Variants in SEC22C observed in about 807,000 individuals in gnomAD.
The protein encoded by SEC22C is vesicle-trafficking protein SEC22c.
A neutral mutation model predicts 34.7 loss-of-function variants in SEC22C; 29 were observed. The ratio of observed to expected loss-of-function variants is 0.84; its 90% CI spans 0.62 to 1.14. SEC22C has a LOEUF of 1.14. SEC22C is among the 50% of genes most tolerant of loss of function. SEC22C has a pLI of 0.00. For missense variants in SEC22C, 337 were observed against 369.0 expected, an observed-to-expected ratio of 0.91 and a Z score of 0.71; for synonymous variants, 117 against 132.8, an observed-to-expected ratio of 0.88 and a Z score of 0.82.
intron 5 of SEC22C, among the ~76,000 whole-genome samples, chr3:42,556,462 G>A (rs1039196309): frequency 1.3e-5 from 2 of 152,214 alleles, no homozygotes; most frequent in Non-Finnish European, 2.9e-5. Context: ...ATCTGGCTAA[G>A]AGCAATCATA....
In SEC22C at chr3:42,568,985, G is replaced by C. The variant is rs758721803; in HGVS notation, c.62C>G (p.Ser21Cys). Residue 21 changes from serine (S) to cysteine (C), a missense_variant, in exon 2 of 7, where the codon TCT becomes TGT. Ser to Cys is a moderately radical substitution (Grantham distance 112). Coordinates refer to ENST00000264454, the MANE Select transcript of SEC22C (RefSeq NM_032970.4). ...RVRDGLPLSA[S>C]TDFYHTQDFL... is the part of the protein sequence containing the mutation. ...ATCTTGGGTGTGGTAAAAATCAGTA[G>C]AGGCTGAGAGGGGCAGTCCATCCCT... 3.1e-6 allele frequency: 5 copies of C among 1,613,998 alleles called. No individual in the cohort carries two copies. Among genetic ancestry groups the C allele is most frequent in the Non-Finnish European group, 4.2e-6 (5 of 1,180,044 alleles).
intron 1 of SEC22C, among the ~76,000 whole-genome samples, chr3:42,597,661 C>T (rs1262379675): frequency 6.6e-6 from 1 of 151,914 alleles, no homozygotes; most frequent in Non-Finnish European, 1.5e-5. Context: ...CCCAGGACAA[C>T]TTTGGGTGCA....
chr3:42,557,732 G>C, intron 4 of SEC22C, 36 bp from the exon 5 acceptor site: 1 of 1,077,456 alleles, frequency 9.3e-7, no homozygotes, highest in Non-Finnish European at 1.4e-6. Context: ...TCTAGTGTAA[G>C]TAATTTCTAC....
At chr3:42,597,050 A>T (rs996692692) in intron 1 of SEC22C, among the ~76,000 whole-genome samples, 1 of 152,134 alleles carries the variant, frequency 6.6e-6, no homozygotes, top group Admixed American at 6.5e-5. Context: ...AAACTATTTC[A>T]TCTCCAGAAA....
intron 1 of SEC22C, chr3:42,591,601 A>G (rs757970825): frequency 1.2e-6 from 2 of 1,610,996 alleles, no homozygotes; most frequent in East Asian, 2.2e-5. Context: ...GAGTGCGTGC[A>G]GTAAGTACCC....
At chr3:42,590,763 G>C (rs1194666598) in intron 1 of SEC22C, 11 of 913,098 alleles carry the variant, frequency 1.2e-5, no homozygotes, top group Non-Finnish European at 1.8e-5. Flanking sequence ...TATAGCTCTT[G>C]CGCGTCCAGT....
upstream of SEC22C, among the ~76,000 whole-genome samples, chr3:42,584,989 C>T (rs970931158): frequency 2.0e-5 from 3 of 152,048 alleles, no homozygotes; most frequent in Non-Finnish European, 4.4e-5. Flanking sequence ...ATTAGCCGGG[C>T]GTGATGGTGG....
At chr3:42,591,671 C>T (rs568727201) in intron 1 of SEC22C, 12 of 1,054,578 alleles carry the variant, frequency 1.1e-5, no homozygotes, top group Non-Finnish European at 1.8e-5. Flanking sequence ...GGTGCTTTCT[C>T]GAACTAAGAG....
At chr3:42,597,471 G>A (rs1195988138) in intron 1 of SEC22C, among the ~76,000 whole-genome samples, 4 of 151,732 alleles carry the variant, frequency 2.6e-5, no homozygotes, top group Admixed American at 6.6e-5. Context: ...CAGGGGAATC[G>A]CTTGATCTCA....
intron 4 of SEC22C, among the ~76,000 whole-genome samples, chr3:42,559,547 C>G (rs924465341): frequency 2.6e-5 from 4 of 152,132 alleles, no homozygotes; most frequent in Non-Finnish European, 5.9e-5. Flanking sequence ...AGAGCCAATC[C>G]AAGTATTGGT....
chr3:42,590,816 C>T, intron 1 of SEC22C: 2 of 1,401,212 alleles, frequency 1.4e-6, no homozygotes, highest in South Asian at 1.2e-5. Context: ...TAGGCGGGAG[C>T]ATCCAATCAA....
At chr3:42,591,166 C>T in intron 1 of SEC22C, 2 of 625,524 alleles carry the variant, frequency 3.2e-6, no homozygotes, top group East Asian at 5.5e-5. Flanking sequence ...GGTCCCCCGC[C>T]GTCCAGACGT....
intron 6 of SEC22C, 39 bp downstream of exon 6, chr3:42,555,891 A>G: frequency 6.7e-7 from 1 of 1,495,428 alleles, no homozygotes; most frequent in Non-Finnish European, 9.3e-7. Flanking sequence ...AAGTAAGGTC[A>G]TGGATTTAAT....
At chr3:42,577,702 G>A (rs966672803) in intron 1 of SEC22C, among the ~76,000 whole-genome samples, 9 of 152,310 alleles carry the variant, frequency 5.9e-5, no homozygotes, top group Admixed American at 4.6e-4. Context: ...AGGCGCAGTG[G>A]CTCATGCCTG....
rs797020468 is a variant in SEC22C, at chr3:42,551,951, C to T, written c.*1297G>A. 9 of 985,238 alleles carry T rather than the reference C, an allele frequency of 9.1e-6. No individual in the cohort carries two copies. In the African/African-American group the frequency reaches 1.6e-4, roughly 17 times the overall value. 61.0% of individuals were successfully genotyped at this position (985,238 alleles called of 1,614,324 possible). ...AGTTGAACACTCAAAGTGTTCCATG[C>T]AACTGTGGTTGAACTATTCAGATTC... On this transcript the variant is annotated 3_prime_UTR_variant, in exon 7 of 7. Coordinates refer to ENST00000264454, the MANE Select transcript of SEC22C (RefSeq NM_032970.4).
intron 1 of SEC22C, among the ~76,000 whole-genome samples, chr3:42,587,251 G>T (rs922237194): frequency 6.6e-6 from 1 of 152,154 alleles, no homozygotes; most frequent in Non-Finnish European, 1.5e-5. Context: ...TTACTCCTAG[G>T]AGAGTACAGA....
rs1702336132 is a variant in SEC22C at position 42,553,283 on chromosome 3, G to A, written c.877C>T (p.Gln293Ter). ...FLSSYQILTR[Q>*]LQEKQSDCGV is the part of the protein sequence containing the mutation. ...CAGTCAGACTGCTTCTCCTGAAGCT[G>A]CCTTGTTAGTATCTGATATGAAGAC... The change falls in exon 7 of 7, where the codon CAG (glutamine) becomes TAG (stop). Residue 293 changes from glutamine to a stop codon, truncating the protein, a stop_gained. Coordinates refer to ENST00000264454, the MANE Select transcript of SEC22C (RefSeq NM_032970.4). LOFTEE classifies it high-confidence loss of function. 6.2e-7 allele frequency: 1 copy of A among 1,614,052 alleles called. No individual in the cohort carries two copies. Among genetic ancestry groups the A allele is most frequent in the Non-Finnish European group, 8.5e-7 (1 of 1,180,044 alleles).
chr3:42,561,291 T>C lies in SEC22C; in HGVS notation c.352A>G (p.Ile118Val), dbSNP rs1485409459. 6 of 1,614,012 alleles carry C rather than the reference T, an allele frequency of 3.7e-6. No homozygotes were observed. The highest frequency in any genetic ancestry group is 3.3e-5 in the Admixed American group (2 of 60,006). ...RPYAFLEFDS[I>V]IQKVKWHFNY... Reference sequence around the variant, plus strand: ...AAATGCCACTTCACTTTCTGAATGATGCTGTCTGCAAAAAGAGAGCAACAC... The same window carrying C: ...AAATGCCACTTCACTTTCTGAATGACGCTGTCTGCAAAAAGAGAGCAACAC... Residue 118 changes from isoleucine (I) to valine (V), a missense_variant, in exon 4 of 7, where the codon ATC becomes GTC. Coordinates refer to ENST00000264454, the MANE Select transcript of SEC22C (RefSeq NM_032970.4).
intron 2 of SEC22C, chr3:42,566,810 C>G: frequency 2.4e-6 from 1 of 421,560 alleles, no homozygotes; most frequent in Non-Finnish European, 4.8e-6. Context: ...TTAAGACCAG[C>G]CTGGGCAACA....
Sources: gnomAD v4.1 joint callset for allele counts (sites outside exome capture counted in the v4.1 genomes callset) on GRCh38, gnomAD v4.1.1 for gene constraint, MANE v1.5 for transcripts, NCBI Gene and HGNC (gene_info 2026-07-23, HGNC 2026-07-21) for gene names.